Variants in PDE1A observed in about 807,000 individuals in gnomAD.
The protein encoded by PDE1A is dual specificity calcium/calmodulin-dependent 3',5'-cyclic nucleotide phosphodiesterase 1A.
In PDE1A, 35 loss-of-function variants were observed where a neutral mutation model predicts 61.7. The observed-to-expected ratio is 0.57, with a 90% CI of 0.43 to 0.75. The LOEUF (loss-of-function observed/expected upper bound fraction) is 0.75. Among genes scored for constraint, PDE1A ranks in the 30% least tolerant of loss-of-function variants. The probability of loss-of-function intolerance (pLI) is 0.00; values close to 1 mark genes in which losing one functional copy is unlikely to be tolerated. For synonymous variants in PDE1A, 232 were observed against 213.2 expected (o/e 1.09, Z -0.77); for missense variants, 597 against 630.6 (o/e 0.95, Z 0.57).
At chr2:182,603,137 C>A in the PDE1A span, among the ~76,000 whole-genome samples, 1 of 152,144 alleles carries the variant, frequency 6.6e-6, no homozygotes, top group African/African-American at 2.4e-5. Context: ...GAACCCAGTT[C>A]ATAGAATGAC....
chr2:182,316,957 A>G (rs112243885), intron 1 of PDE1A, among the ~76,000 whole-genome samples: 2,412 of 152,264 alleles, frequency 0.016, 35 homozygotes, highest in South Asian at 0.067. Flanking sequence ...CTTTAAGGAC[A>G]ATCGTATTTT....
intron 10 of PDE1A, among the ~76,000 whole-genome samples, chr2:182,195,923 GTCAAA>G (rs1477444960): frequency 6.6e-6 from 1 of 152,058 alleles, no homozygotes; most frequent in Non-Finnish European, 1.5e-5. Flanking sequence ...AATATCTTAT[GTCAAA>G]TCAGAGAAAT....
intron 13 of PDE1A, among the ~76,000 whole-genome samples, chr2:182,170,076 T>C (rs1235460802): frequency 6.6e-6 from 1 of 152,038 alleles, no homozygotes; most frequent in African/African-American, 2.4e-5. Context: ...CTTTTTGCTC[T>C]GGAGGGAAGT....
rs1158098556 is a variant in PDE1A, at chr2:182,403,073, T to C, written c.53+23505A>G. ...AATAGGAATGCTTTTACAGTGTTGA[T>C]GGGAGTGTAAATTAGTTCAACCATT... On this transcript the variant is annotated intron_variant, in intron 1 of 13. Coordinates refer to ENST00000351439, the Ensembl canonical transcript of PDE1A. Among the ~76,000 whole-genome samples the C allele has an allele frequency of 2.0e-5, 3 of 151,826 alleles. No individual in the cohort carries two copies. The East Asian group carries it at 5.8e-4, about 29-fold the overall frequency.
At chr2:182,560,061 ATTCT>A in the PDE1A span, among the ~76,000 whole-genome samples, 1 of 133,836 alleles carries the variant, frequency 7.5e-6, no homozygotes, top group Admixed American at 7.3e-5. Flanking sequence ...AGAGATAGGG[ATTCT>A]TTTTTTTTTT....
chr2:182,153,483 A>AT (rs1269095793), intron 13 of PDE1A, among the ~76,000 whole-genome samples: 1 of 152,216 alleles, frequency 6.6e-6, no homozygotes, highest in Non-Finnish European at 1.5e-5. Context: ...TCAGAGTGTC[A>AT]TTCTTTTAGA....
chr2:182,472,809 A>G (rs1002825315), intron 2 of PDE1A, among the ~76,000 whole-genome samples: 133 of 151,974 alleles, frequency 8.8e-4, no homozygotes, highest in African/African-American at 2.7e-3. Context: ...CACAGTAAAG[A>G]TTTTCTTTAG....
rs377522355 is a variant in PDE1A, at chr2:182,264,553, A to AT, written c.54-140dup. Reference sequence around the variant, plus strand: ...GGTCAACAAATAGCATTATTTTCAGATTTTTTTTTGATATAATTAAGACCA... The same window carrying AT: ...GGTCAACAAATAGCATTATTTTCAGATTTTTTTTTTGATATAATTAAGACCA... On this transcript the variant is annotated intron_variant, in intron 1 of 13. Coordinates refer to ENST00000351439, the Ensembl canonical transcript of PDE1A. 4.8e-3 allele frequency: 2,721 copies of AT among 572,508 alleles called. 23 individuals carry two copies. Among genetic ancestry groups the AT allele is most frequent in the African/African-American group, 0.034 (1,778 of 52,916 alleles). The allele number at this position is 572,508 out of a possible 1,614,324, so 35.5% of individuals were successfully genotyped here. A position where few individuals can be genotyped will look rare whatever the true frequency, so the allele number is the denominator to read the frequency against.
chr2:182,476,144 A>G (rs562821984), intron 2 of PDE1A, among the ~76,000 whole-genome samples: 4 of 151,958 alleles, frequency 2.6e-5, no homozygotes, highest in Non-Finnish European at 5.9e-5. Flanking sequence ...AACAATAAAT[A>G]TGTATGTTCT....
chr2:182,540,440 C>T, the PDE1A span, among the ~76,000 whole-genome samples: 1 of 150,308 alleles, frequency 6.7e-6, no homozygotes, highest in Non-Finnish European at 1.5e-5. Flanking sequence ...GTCATGAGCA[C>T]TTTAGTGCAT....
intron 2 of PDE1A, among the ~76,000 whole-genome samples, chr2:182,515,954 C>CTG (rs201729102): frequency 0.013 from 1,658 of 130,474 alleles, 11 homozygotes; most frequent in Middle Eastern, 0.018. Context: ...GTGTGTGTTT[C>CTG]TGTGTGTGTG....
At chr2:182,651,165 C>T in the PDE1A span, among the ~76,000 whole-genome samples, 37 of 152,244 alleles carry the variant, frequency 2.4e-4, no homozygotes, top group Admixed American at 5.2e-4. Context: ...TGCCATCACA[C>T]CCAGCCAATT....
intron 2 of PDE1A, among the ~76,000 whole-genome samples, chr2:182,446,729 C>T (rs567397879): frequency 1.3e-5 from 2 of 152,124 alleles, no homozygotes; most frequent in South Asian, 2.1e-4. Flanking sequence ...TTTATGTGCC[C>T]TTCAATGATT....
At chr2:182,630,428 T>C in the PDE1A span, among the ~76,000 whole-genome samples, 1 of 152,320 alleles carries the variant, frequency 6.6e-6, no homozygotes, top group East Asian at 1.9e-4. Flanking sequence ...TACCAGGATC[T>C]ATTTTCAGAT....
intron 1 of PDE1A, among the ~76,000 whole-genome samples, chr2:182,274,940 A>G (rs1272956297): frequency 6.6e-6 from 1 of 152,114 alleles, no homozygotes; most frequent in African/African-American, 2.4e-5. Flanking sequence ...TAAACTTCTG[A>G]GTTGCTTAGC....
the PDE1A span, chr2:182,716,108 C>G: frequency 3.3e-5 from 5 of 152,638 alleles, no homozygotes; most frequent in African/African-American, 9.6e-5. Context: ...GAGCCGGAGC[C>G]GGAGCCGGAT....
chr2:182,580,648 C>T, the PDE1A span, among the ~76,000 whole-genome samples: 1 of 152,138 alleles, frequency 6.6e-6, no homozygotes, highest in Non-Finnish European at 1.5e-5. Context: ...GGAAGACTGG[C>T]TTTCAGTCAA....
chr2:182,185,011 T>C (rs923471277), intron 13 of PDE1A, among the ~76,000 whole-genome samples: 2 of 152,220 alleles, frequency 1.3e-5, no homozygotes, highest in African/African-American at 4.8e-5. Context: ...TGAAAACGTT[T>C]CAATATTGTG....
At chr2:182,152,783 TTGCAGTA>T (rs1304733440) in intron 13 of PDE1A, among the ~76,000 whole-genome samples, 1 of 152,154 alleles carries the variant, frequency 6.6e-6, no homozygotes, top group African/African-American at 2.4e-5. Context: ...TTCGTTTACT[TTGCAGTA>T]TGCGTGAAGG....
Sources: allele counts gnomAD v4.1 joint callset (sites outside exome capture counted in the v4.1 genomes callset), GRCh38; gene constraint gnomAD v4.1.1; transcripts MANE v1.5; gene names NCBI Gene and HGNC (gene_info 2026-07-23, HGNC 2026-07-21).